B3GAT2: variants seen among roughly 807,000 people sequenced by gnomAD.
B3GAT2 encodes the protein beta-1,3-glucuronyltransferase 2.
B3GAT2 carries 26 observed loss-of-function variants against 27.8 expected under a neutral mutation model. The ratio of observed to expected loss-of-function variants is 0.93; its 90% CI spans 0.68 to 1.30. The LOEUF (loss-of-function observed/expected upper bound fraction) is 1.30, where lower values mean the gene tolerates loss of function less well. Ranked by LOEUF, B3GAT2 falls within the 50% of genes most tolerant of loss-of-function variation. The probability of loss-of-function intolerance (pLI) is 0.00; values close to 1 mark genes in which losing one functional copy is unlikely to be tolerated. For synonymous variants in B3GAT2, 218 were observed against 195.1 expected (o/e 1.12, Z -0.98); for missense variants, 458 against 459.0 (o/e 1.00, Z 0.02).
At chr6:70,872,504 CTTTT>C (rs70990337) in intron 2 of B3GAT2, among the ~76,000 whole-genome samples, 22 of 120,086 alleles carry the variant, frequency 1.8e-4, no homozygotes, top group African/African-American at 4.4e-4. Flanking sequence ...CATTCCCGTT[CTTTT>C]TTTTTTTTTT....
intron 1 of B3GAT2, among the ~76,000 whole-genome samples, chr6:70,927,115 C>A (rs1311052631): frequency 6.6e-6 from 1 of 152,138 alleles, no homozygotes. Context: ...CCTTTACAGA[C>A]AAGCAAATGC....
chr6:70,949,732 C>G (rs1765548474), intron 1 of B3GAT2, among the ~76,000 whole-genome samples: 1 of 151,812 alleles, frequency 6.6e-6, no homozygotes, highest in South Asian at 2.1e-4. Flanking sequence ...ATAAATCATG[C>G]TGCTATAAAG....
chr6:70,877,358 G>T (rs755830773), intron 2 of B3GAT2, among the ~76,000 whole-genome samples: 1 of 152,164 alleles, frequency 6.6e-6, no homozygotes, highest in Non-Finnish European at 1.5e-5. Flanking sequence ...GAAGGAGCAG[G>T]ATTGGGGTGG....
In B3GAT2 at chr6:70,858,514, C is replaced by G. The variant is rs1329065175; in HGVS notation, c.*3149G>C. On this transcript the variant is annotated 3_prime_UTR_variant, in exon 4 of 4. Coordinates refer to ENST00000230053, the MANE Select transcript of B3GAT2 (RefSeq NM_080742.3). ...CTGTAACGTGAACACCACTAATGGC[C>G]AGAAATTATCTCAGGCATCATGAGA... 1 of 237,334 alleles carries G rather than the reference C, an allele frequency of 4.2e-6. No homozygotes were observed. The highest frequency in any genetic ancestry group is 8.1e-6 in the Non-Finnish European group (1 of 123,320). 14.7% of individuals were successfully genotyped at this position (237,334 alleles called of 1,614,324 possible).
intron 1 of B3GAT2, among the ~76,000 whole-genome samples, chr6:70,932,483 G>A (rs1348354887): frequency 6.6e-6 from 1 of 152,172 alleles, no homozygotes; most frequent in Non-Finnish European, 1.5e-5. Flanking sequence ...ATTAAATTCT[G>A]AGACATGCTA....
At position 70,956,289 on chromosome 6, in the gene B3GAT2, G is replaced by A; in HGVS notation, c.141C>T (p.Arg47=). The change falls in exon 1 of 4, where the codon CGC becomes CGT. Residue 47 remains arginine, a synonymous_variant. Coordinates refer to ENST00000230053, the MANE Select transcript of B3GAT2 (RefSeq NM_080742.3). ...RPYFSPYAVG[R]GGARLPLRRG... is the part of the protein sequence containing the mutation. ...TGCGGAGCGGGAGTCGGGCGCCCCC[G>A]CGGCCCACCGCGTAGGGAGAGAAGT... is the stretch of plus-strand genomic sequence containing the variant. 1 of 1,601,542 alleles carries A rather than the reference G, an allele frequency of 6.2e-7. No homozygotes were observed. The highest frequency in any genetic ancestry group is 1.3e-5 in the African/African-American group (1 of 74,898).
intron 1 of B3GAT2, among the ~76,000 whole-genome samples, chr6:70,947,581 A>T (rs1765512509): frequency 6.6e-6 from 1 of 151,734 alleles, no homozygotes; most frequent in Non-Finnish European, 1.5e-5. Flanking sequence ...AAATTGTGGG[A>T]ATAATCAATA....
At chr6:70,871,116 T>G (rs1219076527) in intron 2 of B3GAT2, among the ~76,000 whole-genome samples, 1 of 151,882 alleles carries the variant, frequency 6.6e-6, no homozygotes, top group African/African-American at 2.4e-5. Context: ...TCATGGTGTA[T>G]AATCCTTTCT....
intron 2 of B3GAT2, among the ~76,000 whole-genome samples, 200 bp from the exon 3 acceptor site, chr6:70,862,178 G>A (rs967488867): frequency 2.6e-5 from 4 of 152,136 alleles, no homozygotes; most frequent in Non-Finnish European, 4.4e-5. Context: ...TACATTCCGT[G>A]TAAAATAAAG....
rs570123948 is a variant in B3GAT2 at position 70,944,785 on chromosome 6, C to T, written c.591+11054G>A. On this transcript the variant is annotated intron_variant, in intron 1 of 3. Transcript: ENST00000230053. ...ACTGCCTCCTCAAGTGGGTCCCTGA[C>T]CCCTGACCCCCGAGCAGCCTAACTG... is the stretch of plus-strand genomic sequence containing the variant. Among the ~76,000 whole-genome samples, 577 of 152,302 alleles carry T rather than the reference C, an allele frequency of 3.8e-3. 4 individuals carry two copies. Among genetic ancestry groups the T allele is most frequent in the African/African-American group, 0.013 (547 of 41,552 alleles).
chr6:70,901,188 T>C (rs1183156220), intron 1 of B3GAT2, among the ~76,000 whole-genome samples: 1 of 152,252 alleles, frequency 6.6e-6, no homozygotes, highest in Non-Finnish European at 1.5e-5. Context: ...TCTGCTTTTC[T>C]TCCTCTTTAT....
At chr6:70,921,639 G>A (rs920294182) in intron 1 of B3GAT2, among the ~76,000 whole-genome samples, 3 of 152,140 alleles carry the variant, frequency 2.0e-5, no homozygotes, top group African/African-American at 7.2e-5. Flanking sequence ...GGGAACCAGT[G>A]GGGTTGTCTG....
intron 2 of B3GAT2, among the ~76,000 whole-genome samples, chr6:70,886,738 G>C (rs915889698): frequency 1.3e-5 from 2 of 152,138 alleles, no homozygotes; most frequent in African/African-American, 2.4e-5. Flanking sequence ...CCTGGCCACA[G>C]CACATGCAGA....
intron 1 of B3GAT2, among the ~76,000 whole-genome samples, chr6:70,915,469 A>C (rs1394479268): frequency 6.6e-6 from 1 of 152,148 alleles, no homozygotes; most frequent in African/African-American, 2.4e-5. Context: ...TTTAGTCATA[A>C]AGTCTTTGCC....
intron 2 of B3GAT2, among the ~76,000 whole-genome samples, chr6:70,884,126 G>T (rs975930477): frequency 1.3e-4 from 18 of 141,000 alleles, no homozygotes; most frequent in Non-Finnish European, 1.5e-5. Context: ...AAAAAAACCC[G>T]CAACCACACA....
At chr6:70,927,028 G>A (rs1036300522) in intron 1 of B3GAT2, among the ~76,000 whole-genome samples, 1 of 152,128 alleles carries the variant, frequency 6.6e-6, no homozygotes, top group East Asian at 1.9e-4. Context: ...TATTCAACAT[G>A]CTTAAAGAAA....
rs760369203 is a variant in B3GAT2, at chr6:70,861,983, G to T, written c.737-5C>A. On this transcript the variant is annotated splice_polypyrimidine_tract_variant and splice_region_variant and intron_variant, in intron 2 of 3. Transcript: ENST00000230053. ...CTTGAAGACTTACAGCAAATCCTTT[G>T]TGAAAAATAAAAAAAAAAAAGAGAC... The T allele has an allele frequency of 7.1e-6, 11 of 1,558,420 alleles. No homozygotes were observed. Among genetic ancestry groups the T allele is most frequent in the South Asian group, 2.4e-5 (2 of 82,684 alleles).
In B3GAT2 at chr6:70,879,480, GATTC is replaced by G. The variant is rs140959014; in HGVS notation, c.736+14644_736+14647del. On this transcript the variant is annotated intron_variant, in intron 2 of 3. Transcript: ENST00000230053. ...CCTGGCACAGTTGTTCTAAACTTAG[GATTC>G]ATTCATTCATTCATTCATTCATTCA... 3.6e-3 allele frequency among the ~76,000 whole-genome samples: 544 copies of G among 151,652 alleles called. 1 individual carries two copies. Among genetic ancestry groups the G allele is most frequent in the Non-Finnish European group, 5.7e-3 (387 of 67,968 alleles).
chr6:70,919,153 A>T (rs1358455788), intron 1 of B3GAT2, among the ~76,000 whole-genome samples: 1 of 152,122 alleles, frequency 6.6e-6, no homozygotes, highest in Non-Finnish European at 1.5e-5. Flanking sequence ...TTTGATCTTC[A>T]ATCACTGATA....
Sources: gnomAD v4.1 joint callset for allele counts (sites outside exome capture counted in the v4.1 genomes callset) on GRCh38, gnomAD v4.1.1 for gene constraint, MANE v1.5 for transcripts, NCBI Gene and HGNC (gene_info 2026-07-23, HGNC 2026-07-21) for gene names.